Variants in ZFP41 observed in about 807,000 individuals in gnomAD.
ZFP41 encodes the protein ZFP41 zinc finger protein.
ZFP41 carries 10 observed loss-of-function variants against 11.6 expected under a neutral mutation model. That is an observed-to-expected ratio of 0.86 (90% CI 0.53 to 1.47). The LOEUF (loss-of-function observed/expected upper bound fraction) is 1.47. ZFP41 is among the 40% of genes most tolerant of loss of function. The probability of loss-of-function intolerance (pLI) is 0.00; values close to 1 mark genes in which losing one functional copy is unlikely to be tolerated. For synonymous variants in ZFP41, 123 were observed against 100.9 expected (o/e 1.22, Z -1.31); for missense variants, 302 against 264.6 (o/e 1.14, Z -0.98).
Position 143,260,140 on chromosome 8 carries a change from G to GTGCAGGGAAGCACCCTGTGAAATCA in ZFP41, c.*1287_*1288insATCATGCAGGGAAGCACCCTGTGAA. 1 of 151,052 alleles carries GTGCAGGGAAGCACCCTGTGAAATCA rather than the reference G, an allele frequency of 6.6e-6. No homozygotes were observed. The highest frequency in any genetic ancestry group is 2.1e-4 in the South Asian group (1 of 4,828). The allele number at this position is 151,052 out of a possible 1,614,324, so 9.4% of individuals were successfully genotyped here. On this transcript the variant is annotated 3_prime_UTR_variant, in exon 3 of 3. Transcript: ENST00000330701. ...GTGCAGGGAAGCACCCTCTGAAATC[G>GTGCAGGGAAGCACCCTGTGAAATCA]TGCAGGGAAGCACCCTGTGAAGTCG...
chr8:143,251,537 C>G (rs1814757067), intron 2 of ZFP41, among the ~76,000 whole-genome samples, 197 bp downstream of exon 2: 1 of 152,210 alleles, frequency 6.6e-6, no homozygotes, highest in African/African-American at 2.4e-5. Flanking sequence ...ATGTTGGCGC[C>G]TATGTTTTCA....
intron 1 of ZFP41, chr8:143,249,059 C>T (rs1816743966): frequency 6.6e-6 from 1 of 152,240 alleles, no homozygotes; most frequent in African/African-American, 2.4e-5. Flanking sequence ...TAGGGTCAAC[C>T]CTGGCCTCAA....
chr8:143,257,534 T>C (rs1018055654), intron 2 of ZFP41, among the ~76,000 whole-genome samples: 6 of 152,140 alleles, frequency 3.9e-5, no homozygotes, highest in African/African-American at 1.4e-4. Flanking sequence ...ATAAAGCCAC[T>C]TATTAATACA....
chr8:143,252,268 A>G (rs1225984167), intron 2 of ZFP41, among the ~76,000 whole-genome samples: 2 of 152,166 alleles, frequency 1.3e-5, no homozygotes, highest in African/African-American at 4.8e-5. Flanking sequence ...GCAGGGCAGC[A>G]TCTCCCAGAT....
chr8:143,252,182 C>T (rs1814781185), intron 2 of ZFP41, among the ~76,000 whole-genome samples: 2 of 152,238 alleles, frequency 1.3e-5, no homozygotes, highest in Admixed American at 6.5e-5. Flanking sequence ...ACTAGCTTTG[C>T]CTCTGGCCTG....
At position 143,250,216 on chromosome 8, in the gene ZFP41, C is replaced by T. The variant is rs772582387; in HGVS notation, c.373C>T (p.Arg125Trp). 3.1e-6 allele frequency: 5 copies of T among 1,613,706 alleles called. No individual in the cohort carries two copies. The highest frequency in any genetic ancestry group is 2.2e-5 in the South Asian group (2 of 91,072). ...FKCAQCGKAFRHSSDVTKHQR... is the reference protein window; with the variant it reads ...FKCAQCGKAFWHSSDVTKHQR... ...GTGTGCGCAGTGCGGGAAGGCCTTC[C>T]GGCACAGCTCTGACGTCACCAAACA... The change falls in exon 2 of 3, where the codon CGG becomes TGG. Residue 125 changes from arginine (R) to tryptophan (W), a missense_variant. Transcript: ENST00000330701.
intron 1 of ZFP41, chr8:143,247,688 G>T (rs1030627238): frequency 1.3e-5 from 2 of 152,270 alleles, no homozygotes; most frequent in Non-Finnish European, 2.9e-5. Flanking sequence ...CTTTAGGGGT[G>T]TGGCAAGCGT....
chr8:143,249,692 C>T lies in ZFP41; in HGVS notation c.-152C>T. The T allele has an allele frequency of 1.6e-6, 2 of 1,277,344 alleles. No homozygotes were observed. Among genetic ancestry groups the T allele is most frequent in the Non-Finnish European group, 2.1e-6 (2 of 958,280 alleles). The allele number at this position is 1,277,344 out of a possible 1,614,324, so 79.1% of individuals were successfully genotyped here. A position where few individuals can be genotyped will look rare whatever the true frequency, so the allele number is the denominator to read the frequency against. On this transcript the variant is annotated splice_region_variant and 5_prime_UTR_variant, in exon 2 of 3. Transcript: ENST00000330701. ...TTCATGTTCTTGCTTCTCCCCAGCA[C>T]CAAGAGGATGGTGGCCCTTGGCCTC...
chr8:143,255,283 C>T (rs1814878936), intron 2 of ZFP41, among the ~76,000 whole-genome samples: 2 of 152,210 alleles, frequency 1.3e-5, no homozygotes, highest in Admixed American at 6.5e-5. Flanking sequence ...TGTGAAATGG[C>T]GATGCTGACA....
Position 143,250,323 on chromosome 8 carries a change from A to T in ZFP41, c.480A>T (p.Lys160Asn). ...KAFNCGSNLL[K>N]HQKTHTGEKP... is the part of the protein sequence containing the mutation. ...TTAACTGCGGCTCCAATCTCCTGAA[A>T]CATCAGAAGACGCACACCGGGGAGA... Residue 160 changes from lysine to asparagine, a missense_variant, in exon 2 of 3, where the codon AAA becomes AAT. Transcript: ENST00000330701. The T allele has an allele frequency of 1.9e-6, 3 of 1,613,980 alleles. No individual in the cohort carries two copies. The highest frequency in any genetic ancestry group is 2.5e-6 in the Non-Finnish European group (3 of 1,180,020).
chr8:143,250,397 G>T lies in ZFP41; in HGVS notation c.554G>T (p.Cys185Phe), dbSNP rs770306408. Residue 185 changes from cysteine to phenylalanine, a missense_variant, in exon 2 of 3, where the codon TGT becomes TTT. By Grantham distance (205) the Cys-to-Phe change is radical. Coordinates refer to ENST00000330701, the MANE Select transcript of ZFP41 (RefSeq NM_173832.6). ...HCGKAFAYSSCLIRHQKRHPR... is the reference protein window; with the variant it reads ...HCGKAFAYSSFLIRHQKRHPR... ...GGGAAAGCCTTTGCCTACAGCTCCT[G>T]TCTCATCCGCCATCAGAAACGCCAC... 10 of 1,613,170 alleles carry T rather than the reference G, an allele frequency of 6.2e-6. No individual in the cohort carries two copies. The highest frequency in any genetic ancestry group is 1.7e-5 in the Admixed American group (1 of 60,024).
rs1463783535 is a variant in ZFP41, at chr8:143,249,870, G to A, written c.27G>A (p.Lys9=). Residue 9 remains lysine (K), a synonymous_variant, in exon 2 of 3, where the codon AAG becomes AAA. Coordinates refer to ENST00000330701, the MANE Select transcript of ZFP41 (RefSeq NM_173832.6). The part of the protein sequence containing the change: MEKPAGRK[K]KTPTPREEAD... ...TGGAGAAGCCTGCAGGCAGAAAAAA[G>A]AAGACGCCGACCCCAAGGGAGGAGG... The A allele has an allele frequency of 1.9e-6, 3 of 1,599,750 alleles. No homozygotes were observed. The East Asian group carries it at 6.7e-5, about 36-fold the overall frequency.
rs762782678 is a variant in ZFP41, at chr8:143,249,804, C to T, written c.-40C>T. Reference sequence around the variant, plus strand: ...GAGGAAGTGGGGCCAACAGAGAGGTCAGCAGCCCCTTAGCCCTCACGCTTC... The same window carrying T: ...GAGGAAGTGGGGCCAACAGAGAGGTTAGCAGCCCCTTAGCCCTCACGCTTC... On this transcript the variant is annotated 5_prime_UTR_variant, in exon 2 of 3. Transcript: ENST00000330701. The T allele has an allele frequency of 3.3e-6, 5 of 1,531,360 alleles. No homozygotes were observed. The highest frequency in any genetic ancestry group is 4.4e-6 in the Non-Finnish European group (5 of 1,144,838). 94.9% of individuals were successfully genotyped at this position (1,531,360 alleles called of 1,614,324 possible). A position where few individuals can be genotyped will look rare whatever the true frequency, so the allele number is the denominator to read the frequency against.
chr8:143,249,010 G>C (rs114654647), intron 1 of ZFP41: 17 of 152,274 alleles, frequency 1.1e-4, no homozygotes, highest in African/African-American at 3.6e-4. Flanking sequence ...GTGTTGAGTT[G>C]TGTCACTTAC....
At chr8:143,257,540 A>G (rs1159576744) in intron 2 of ZFP41, among the ~76,000 whole-genome samples, 2 of 152,252 alleles carry the variant, frequency 1.3e-5, no homozygotes, top group African/African-American at 2.4e-5. Flanking sequence ...CCACTTATTA[A>G]TACAATTAAT....
At position 143,249,860 on chromosome 8, in the gene ZFP41, G is replaced by T. The variant is rs1415799471; in HGVS notation, c.17G>T (p.Gly6Val). The T allele has an allele frequency of 1.9e-6, 3 of 1,597,280 alleles. No homozygotes were observed. In the African/African-American group the frequency reaches 4.1e-5, roughly 22 times the overall value. The change falls in exon 2 of 3, where the codon GGC becomes GTC. Residue 6 changes from glycine to valine, a missense_variant. Transcript: ENST00000330701. The stretch of plus-strand genomic sequence containing the variant: ...AACAGAATGATGGAGAAGCCTGCAG[G>T]CAGAAAAAAGAAGACGCCGACCCCA... Reference protein sequence around the residue: MEKPAGRKKKTPTPRE... With the variant: MEKPAVRKKKTPTPRE...
chr8:143,250,547 C>A lies in ZFP41; in HGVS notation c.*107C>A. On this transcript the variant is annotated 3_prime_UTR_variant, in exon 2 of 3. Coordinates refer to ENST00000330701, the MANE Select transcript of ZFP41 (RefSeq NM_173832.6). Reference sequence around the variant, plus strand: ...TGATGGGGGCGCAGGGCCGTGCGCACTGTGTTCCGTGCCCTGGGGACCCCC... The same window carrying A: ...TGATGGGGGCGCAGGGCCGTGCGCAATGTGTTCCGTGCCCTGGGGACCCCC... The A allele has an allele frequency of 6.6e-7, 1 of 1,512,742 alleles. No individual in the cohort carries two copies. The highest frequency in any genetic ancestry group is 8.8e-7 in the Non-Finnish European group (1 of 1,130,882). The allele number at this position is 1,512,742 out of a possible 1,614,324, so 93.7% of individuals were successfully genotyped here. A position where few individuals can be genotyped will look rare whatever the true frequency, so the allele number is the denominator to read the frequency against.
At chr8:143,257,407 G>A (rs1814938455) in intron 2 of ZFP41, among the ~76,000 whole-genome samples, 1 of 152,210 alleles carries the variant, frequency 6.6e-6, no homozygotes, top group South Asian at 2.1e-4. Context: ...TGAGGCAGGA[G>A]AATTGCTTGA....
intron 2 of ZFP41, chr8:143,252,746 T>C (rs1356093814): frequency 5.3e-6 from 3 of 570,296 alleles, no homozygotes; most frequent in Non-Finnish European, 6.7e-6. Flanking sequence ...CCCGTGGGGC[T>C]CCCCGGGGCT....
Sources: allele counts gnomAD v4.1 joint callset (sites outside exome capture counted in the v4.1 genomes callset), GRCh38; gene constraint gnomAD v4.1.1; transcripts MANE v1.5; gene names NCBI Gene and HGNC (gene_info 2026-07-23, HGNC 2026-07-21).